Variants in FRZB observed in about 807,000 individuals in gnomAD.
FRZB encodes the protein frizzled related protein, also known as secreted frizzled-related protein 3.
In FRZB, 34 loss-of-function variants were observed where a neutral mutation model predicts 32.5. That is an observed-to-expected ratio of 1.05 (90% CI 0.80 to 1.39). FRZB has a LOEUF of 1.39. FRZB is among the 40% of genes most tolerant of loss of function. The pLI is 0.00. For missense variants in FRZB, 423 were observed against 424.8 expected, an observed-to-expected ratio of 1.00 and a Z score of 0.04; for synonymous variants, 170 against 159.2, an observed-to-expected ratio of 1.07 and a Z score of -0.51.
Position 182,837,979 on chromosome 2 carries a change from T to A in FRZB, c.830A>T (p.Lys277Met), listed in dbSNP as rs1238218076. The A allele has an allele frequency of 9.3e-6, 15 of 1,612,340 alleles. No homozygotes were observed. The highest frequency in any genetic ancestry group is 1.2e-5 in the Non-Finnish European group (14 of 1,178,928). ...TTTTTTACCGAGTCGATCCTTCCAC[T>A]TCTCAGCTATAGAGCCTTCCACCAA... Reference protein sequence around the residue: ...LLLVEGSIAEKWKDRLGKKVK... With the variant: ...LLLVEGSIAEMWKDRLGKKVK... Residue 277 changes from lysine to methionine, a missense_variant, in exon 5 of 6, where the codon AAG becomes ATG. Physicochemically the swap from Lys to Met is moderately conservative, Grantham distance 95. Transcript: ENST00000295113.
chr2:182,858,640 T>C (rs1695797230), intron 2 of FRZB, 146 bp downstream of exon 2: 8 of 537,088 alleles, frequency 1.5e-5, no homozygotes, highest in Non-Finnish European at 2.6e-5. Flanking sequence ...ATTTTAAAAA[T>C]AAAATTAATA....
Position 182,838,499 on chromosome 2 carries a change from T to C in FRZB, c.707A>G (p.Asn236Ser), listed in dbSNP as rs367887067. Reference sequence around the variant, plus strand: ...GAGGCAGCCAGAGCTGGTATAGAGGTTGACAGTGTCCCGTGGAATGTTTAC... The same window carrying C: ...GAGGCAGCCAGAGCTGGTATAGAGGCTGACAGTGTCCCGTGGAATGTTTAC... ...SLVNIPRDTVNLYTSSGCLCP... is the reference protein window; with the variant it reads ...SLVNIPRDTVSLYTSSGCLCP... The change falls in exon 4 of 6, where the codon AAC becomes AGC. Residue 236 changes from asparagine (N) to serine (S), a missense_variant. Coordinates refer to ENST00000295113, the MANE Select transcript of FRZB (RefSeq NM_001463.4). 3.3e-5 allele frequency: 54 copies of C among 1,612,862 alleles called. No individual in the cohort carries two copies. The highest frequency in any genetic ancestry group is 2.3e-4 in the South Asian group (21 of 91,058).
At chr2:182,864,883 G>A (rs1363128450) in intron 1 of FRZB, among the ~76,000 whole-genome samples, 1 of 152,024 alleles carries the variant, frequency 6.6e-6, no homozygotes, top group Admixed American at 6.6e-5. Context: ...GGGGGTGGGG[G>A]ATGTGGTATG....
At position 182,847,795 on chromosome 2, in the gene FRZB, A is replaced by G. The variant is rs999527886; in HGVS notation, c.527-5252T>C. ...TTCATCAAATAGAAAGGCAAACCTTATAGTGGGTAAGAATGCTTGGCAATC... is the reference window on the plus strand; with the variant it reads ...TTCATCAAATAGAAAGGCAAACCTTGTAGTGGGTAAGAATGCTTGGCAATC... On this transcript the variant is annotated intron_variant, in intron 2 of 5. Transcript: ENST00000295113. Among the ~76,000 whole-genome samples the G allele has an allele frequency of 3.3e-5, 5 of 152,238 alleles. No homozygotes were observed. In the East Asian group the frequency reaches 7.7e-4, roughly 23 times the overall value.
intron 1 of FRZB, among the ~76,000 whole-genome samples, chr2:182,860,320 A>G (rs558275719): frequency 6.6e-6 from 1 of 152,326 alleles, no homozygotes; most frequent in Non-Finnish European, 1.5e-5. Flanking sequence ...CCCTAAATGA[A>G]AATATATATT....
At position 182,837,938 on chromosome 2, in the gene FRZB, A is replaced by T. The variant is rs778181176; in HGVS notation, c.861+10T>A. On this transcript the variant is annotated intron_variant, in intron 5 of 5. Transcript: ENST00000295113. ...CTGTGTATTACTTCAAACATAAAAT[A>T]CAGGCTTACCTTAACTTTTTTACCG... The T allele has an allele frequency of 1.1e-4, 178 of 1,608,056 alleles. 2 individuals are homozygous for T. The East Asian group carries it at 3.9e-3, about 36-fold the overall frequency.
At position 182,849,088 on chromosome 2, in the gene FRZB, G is replaced by A. The variant is rs899703563; in HGVS notation, c.527-6545C>T. Reference sequence around the variant, plus strand: ...TAAAAATACAACAAATTAGCCGGGCGTGGTGGCAAGTGCCTGTAGTCCCAG... The same window carrying A: ...TAAAAATACAACAAATTAGCCGGGCATGGTGGCAAGTGCCTGTAGTCCCAG... On this transcript the variant is annotated intron_variant, in intron 2 of 5. Transcript: ENST00000295113. Among the ~76,000 whole-genome samples the A allele has an allele frequency of 5.9e-4, 90 of 152,178 alleles. 1 individual carries two copies. The highest frequency in any genetic ancestry group is 2.0e-3 in the African/African-American group (83 of 41,498).
chr2:182,858,705 C>A, intron 2 of FRZB, 81 bp downstream of exon 2: 1 of 978,160 alleles, frequency 1.0e-6, no homozygotes, highest in South Asian at 1.8e-5. Flanking sequence ...CAAGCTTCCC[C>A]ATGAATGACT....
Position 182,850,882 on chromosome 2 carries a change from C to T in FRZB, c.526+7904G>A, listed in dbSNP as rs560151780. Reference sequence around the variant, plus strand: ...TCCCCTTTTTCCACATCCTCGCTACCGTCTATTGTTCCATCTTTTTGATAA... The same window carrying T: ...TCCCCTTTTTCCACATCCTCGCTACTGTCTATTGTTCCATCTTTTTGATAA... On this transcript the variant is annotated intron_variant, in intron 2 of 5. Coordinates refer to ENST00000295113, the MANE Select transcript of FRZB (RefSeq NM_001463.4). 1.1e-4 allele frequency among the ~76,000 whole-genome samples: 16 copies of T among 152,248 alleles called. 1 individual carries two copies. The South Asian group carries it at 3.3e-3, about 32-fold the overall frequency.
chr2:182,835,254 A>G (rs1318867914), intron 5 of FRZB, among the ~76,000 whole-genome samples: 1 of 152,120 alleles, frequency 6.6e-6, no homozygotes, highest in Non-Finnish European at 1.5e-5. Flanking sequence ...ATCTCCCTAT[A>G]TCTCTGGGTA....
Position 182,866,118 on chromosome 2 carries a change from GC to G in FRZB, c.434del (p.Gly145AlafsTer62). On this transcript the variant is annotated frameshift_variant, in exon 1 of 6. Coordinates refer to ENST00000295113, the MANE Select transcript of FRZB (RefSeq NM_001463.4). LOFTEE classifies it high-confidence loss of function. This position sits in a 1 kb window ranked among gnomAD's most constrained non-coding sequence, Gnocchi z 4.5. The part of the protein sequence containing the change: ...ACEELPVYDR[G>X]VCISPEAIVT... ...CGATGGCCTCGGGAGAGATGCACACGCCCCTGTCGTACACTGGCAGCTCCTC... is the reference window on the plus strand; with the variant it reads ...CGATGGCCTCGGGAGAGATGCACACGCCCTGTCGTACACTGGCAGCTCCTC... The G allele has an allele frequency of 6.2e-7, 1 of 1,613,978 alleles. No individual in the cohort carries two copies. Among genetic ancestry groups the G allele is most frequent in the Non-Finnish European group, 8.5e-7 (1 of 1,179,932 alleles).
chr2:182,847,395 T>A (rs966642289), intron 2 of FRZB, among the ~76,000 whole-genome samples: 1 of 151,532 alleles, frequency 6.6e-6, no homozygotes, highest in Non-Finnish European at 1.5e-5. Flanking sequence ...TACAGGAGAG[T>A]GTGGAATTGA....
intron 2 of FRZB, 151 bp downstream of exon 2, chr2:182,858,634 TA>T (rs1483070499): frequency 1.1e-5 from 6 of 526,294 alleles, no homozygotes; most frequent in Non-Finnish European, 2.0e-5. Context: ...GTGCTAATTT[TA>T]AAAATAAAAT....
rs776715536 is a variant in FRZB at position 182,838,436 on chromosome 2, A to G, written c.770T>C (p.Met257Thr). 1 of 1,612,530 alleles carries G rather than the reference A, an allele frequency of 6.2e-7. No homozygotes were observed. Among genetic ancestry groups the G allele is most frequent in the Admixed American group, 1.7e-5 (1 of 59,874 alleles). ...GGAACGTTCCTCATCTTCATAGCCC[A>G]TGATGATATATTCCTCATTAACATT... ...PLNVNEEYII[M>T]GYEDEERSRL... The change falls in exon 4 of 6, where the codon ATG becomes ACG. Residue 257 changes from methionine to threonine, a missense_variant. Transcript: ENST00000295113.
At position 182,834,731 on chromosome 2, in the gene FRZB, G is replaced by T; in HGVS notation, c.*118C>A. 3.9e-6 allele frequency: 3 copies of T among 763,996 alleles called. No individual in the cohort carries two copies. Among genetic ancestry groups the T allele is most frequent in the Non-Finnish European group, 7.1e-6 (3 of 425,362 alleles). The allele number at this position is 763,996 out of a possible 1,614,324, so 47.3% of individuals were successfully genotyped here. On this transcript the variant is annotated 3_prime_UTR_variant, in exon 6 of 6. Transcript: ENST00000295113. ...CAGAAGTAATAATCAGTTATCACAT[G>T]ATTTTTATAGTAAACAATAGAATAT...
Position 182,838,415 on chromosome 2 carries a change from C to A in FRZB, c.791G>T (p.Arg264Leu). 1 of 1,608,972 alleles carries A rather than the reference C, an allele frequency of 6.2e-7. No individual in the cohort carries two copies. The highest frequency in any genetic ancestry group is 1.3e-5 in the African/African-American group (1 of 74,840). The part of the protein sequence containing the change: ...YIIMGYEDEE[R>L]SRLLLVEGSI... ...TCCTTAAAGAGTGAATTACCTGGAA[C>A]GTTCCTCATCTTCATAGCCCATGAT... Residue 264 changes from arginine to leucine, a missense_variant, in exon 4 of 6, where the codon CGT becomes CTT. Physicochemically the swap from Arg to Leu is moderately radical, Grantham distance 102. Transcript: ENST00000295113.
intron 1 of FRZB, among the ~76,000 whole-genome samples, chr2:182,864,129 A>G (rs138222184): frequency 1.8e-4 from 28 of 152,356 alleles, no homozygotes; most frequent in Non-Finnish European, 3.2e-4. Context: ...GAGTGCTTCA[A>G]TGAGGCAACT....
At chr2:182,857,828 C>T (rs1427255053) in intron 2 of FRZB, among the ~76,000 whole-genome samples, 1 of 151,864 alleles carries the variant, frequency 6.6e-6, no homozygotes, top group African/African-American at 2.4e-5. Context: ...GAAAACAACC[C>T]AACTTAAAAT....
chr2:182,838,231 T>A (rs907367312), intron 4 of FRZB, among the ~76,000 whole-genome samples, 178 bp downstream of exon 4: 7 of 151,952 alleles, frequency 4.6e-5, no homozygotes, highest in African/African-American at 1.2e-4. Flanking sequence ...ACCTATAAAC[T>A]ACACGCATAC....
Sources: allele counts gnomAD v4.1 joint callset (sites outside exome capture counted in the v4.1 genomes callset), GRCh38; gene constraint gnomAD v4.1.1; non-coding constraint Gnocchi (gnomAD v3.1); transcripts MANE v1.5; gene names NCBI Gene and HGNC (gene_info 2026-07-23, HGNC 2026-07-21).